GOSR2: variants seen among roughly 807,000 people sequenced by gnomAD.
The protein encoded by GOSR2 is golgi SNAP receptor complex member 2, also known as 27 kDa Golgi SNARE protein.
In GOSR2, 20 loss-of-function variants were observed where a neutral mutation model predicts 27.9. The observed-to-expected ratio is 0.72, with a 90% CI of 0.50 to 1.04. The LOEUF (loss-of-function observed/expected upper bound fraction) is 1.04. GOSR2 is among the 50% of genes least tolerant of loss of function. The pLI is 0.00. For missense variants in GOSR2, 261 were observed against 270.5 expected, an observed-to-expected ratio of 0.97 and a Z score of 0.25; for synonymous variants, 91 against 98.8, an observed-to-expected ratio of 0.92 and a Z score of 0.47.
rs913852678 is a variant in GOSR2, at chr17:46,941,638, A to G, written c.*2878A>G. On this transcript the variant is annotated 3_prime_UTR_variant, in exon 6 of 6. Coordinates refer to ENST00000640051, the MANE Select transcript of GOSR2 (RefSeq NM_004287.5). ...ACCCAGGCTGGAGTGCAGTGGCGCA[A>G]TCTTGGCTCACTGCATCCTCTGCCT... The G allele has an allele frequency of 3.5e-5, 6 of 170,376 alleles. No individual in the cohort carries two copies. The highest frequency in any genetic ancestry group is 1.2e-4 in the African/African-American group (5 of 41,736). 10.6% of individuals were successfully genotyped at this position (170,376 alleles called of 1,614,324 possible).
chr17:46,958,983 G>T (rs1468574457), intron 6 of GOSR2, among the ~76,000 whole-genome samples: 1 of 152,210 alleles, frequency 6.6e-6, no homozygotes, highest in African/African-American at 2.4e-5. Flanking sequence ...CACTGCCAAT[G>T]CAAAAATAAG....
At chr17:46,931,958 T>A (rs1289241032) in intron 3 of GOSR2, 109 bp from the exon 4 acceptor site, 2 of 898,770 alleles carry the variant, frequency 2.2e-6, no homozygotes, top group Non-Finnish European at 3.7e-6. Flanking sequence ...TGTGGGGTGG[T>A]GTAGGGAGAA....
chr17:46,950,763 G>T (rs80248263), intron 6 of GOSR2, among the ~76,000 whole-genome samples: 5,736 of 152,276 alleles, frequency 0.038, 209 homozygotes, highest in African/African-American at 0.097. Flanking sequence ...GTAGTTCAGT[G>T]GGCTGAGACA....
chr17:46,941,923 G>A lies in GOSR2; in HGVS notation c.*3163G>A. 2 of 985,228 alleles carry A rather than the reference G, an allele frequency of 2.0e-6. No homozygotes were observed. Among genetic ancestry groups the A allele is most frequent in the Non-Finnish European group, 2.4e-6 (2 of 829,834 alleles). 61.0% of individuals were successfully genotyped at this position (985,228 alleles called of 1,614,324 possible). A position where few individuals can be genotyped will look rare whatever the true frequency, so the allele number is the denominator to read the frequency against. ...CTGATGTGTGTATTTTGGAACCACT[G>A]TCTCCTAGACAGAAAGCTTCTGTCT... On this transcript the variant is annotated 3_prime_UTR_variant, in exon 6 of 6. Coordinates refer to ENST00000640051, the MANE Select transcript of GOSR2 (RefSeq NM_004287.5).
chr17:46,953,794 G>T (rs1008658125), intron 6 of GOSR2, among the ~76,000 whole-genome samples: 5 of 152,208 alleles, frequency 3.3e-5, no homozygotes, highest in African/African-American at 1.2e-4. Flanking sequence ...GGCCAGTGAT[G>T]ATGAGCATTT....
In GOSR2 at chr17:46,929,552, G is replaced by A. The variant is rs981608270; in HGVS notation, c.62G>A (p.Arg21His). Residue 21 changes from arginine to histidine, a missense_variant, in exon 2 of 6, where the codon CGC becomes CAC. Arg to His is a conservative substitution (Grantham distance 29). Transcript: ENST00000640051. ...QVHEIQSCMG[R>H]LETADKQSVH... ...CACGAGATCCAGTCTTGCATGGGAC[G>A]CCTGGAGACGGCAGACAAGCAGTCT... 2.5e-6 allele frequency: 4 copies of A among 1,568,994 alleles called. No individual in the cohort carries two copies. The highest frequency in any genetic ancestry group is 2.2e-5 in the East Asian group (1 of 44,684).
intron 6 of GOSR2, among the ~76,000 whole-genome samples, chr17:46,959,125 C>T (rs2147285049): frequency 6.6e-6 from 1 of 152,214 alleles, no homozygotes; most frequent in Admixed American, 6.5e-5. Context: ...TAGAATGTGG[C>T]TAGGCAGCGA....
chr17:46,945,483 T>C (rs547784270), downstream of GOSR2, among the ~76,000 whole-genome samples: 23 of 152,186 alleles, frequency 1.5e-4, no homozygotes, highest in Non-Finnish European at 3.2e-4. Context: ...CTGACTTTGC[T>C]GTTTATTAGC....
At chr17:46,952,115 A>C (rs909739928) in intron 6 of GOSR2, among the ~76,000 whole-genome samples, 3 of 152,120 alleles carry the variant, frequency 2.0e-5, no homozygotes, top group African/African-American at 7.2e-5. Context: ...TATTCCAGAA[A>C]ATTCTTATAG....
rs34093958 is a variant in GOSR2 at position 46,931,174 on chromosome 17, AG to A, written c.172del (p.Glu58SerfsTer16). On this transcript the variant is annotated frameshift_variant, in exon 3 of 6. Coordinates refer to ENST00000640051, the MANE Select transcript of GOSR2 (RefSeq NM_004287.5). LOFTEE classifies it high-confidence loss of function. ...RLERLEILSS[K>X]EPPNKRQNAR... ...GAACGTCTGGAGATTTTGTCCAGCA[AG>A]GAGCCCCCTAACAAAAGGCAAAATG... 1 of 1,604,594 alleles carries A rather than the reference AG, an allele frequency of 6.2e-7. No individual in the cohort carries two copies. The highest frequency in any genetic ancestry group is 1.7e-5 in the Admixed American group (1 of 60,012).
rs2088955921 is a variant in GOSR2 at position 46,939,493 on chromosome 17, G to T, written c.*733G>T. On this transcript the variant is annotated 3_prime_UTR_variant, in exon 6 of 6. Transcript: ENST00000640051. ...TTTCTAGTTGTTAATAGAGTGGTTG[G>T]CTTTTAAGGTTCAGAGACTGTGGCT... The T allele has an allele frequency of 1.0e-6, 1 of 986,350 alleles. No individual in the cohort carries two copies. The highest frequency in any genetic ancestry group is 1.2e-6 in the Non-Finnish European group (1 of 830,604). The allele number at this position is 986,350 out of a possible 1,614,324, so 61.1% of individuals were successfully genotyped here.
chr17:46,931,363 T>G (rs2087351687), intron 3 of GOSR2, 156 bp downstream of exon 3: 1 of 663,880 alleles, frequency 1.5e-6, no homozygotes, highest in Non-Finnish European at 2.7e-6. Flanking sequence ...CACAATTCTA[T>G]CTGAGTGATG....
intron 4 of GOSR2, chr17:46,932,812 C>T (rs952083834): frequency 6.3e-6 from 1 of 158,916 alleles, no homozygotes; most frequent in African/African-American, 2.4e-5. Context: ...GGCTGTAGAA[C>T]ATACTGGCCT....
intron 1 of GOSR2, among the ~76,000 whole-genome samples, chr17:46,928,608 A>G (rs1431644885): frequency 6.6e-6 from 1 of 152,120 alleles, no homozygotes. Context: ...ACAGTGTTGC[A>G]TTTCCAAATG....
intron 6 of GOSR2, among the ~76,000 whole-genome samples, chr17:46,972,401 G>A (rs755844675): frequency 1.3e-5 from 2 of 152,238 alleles, no homozygotes; most frequent in Non-Finnish European, 2.9e-5. Context: ...TCTTGGCCAA[G>A]AGGGAAGGAG....
Position 46,940,299 on chromosome 17 carries a change from G to C in GOSR2, c.*1539G>C. 1 of 1,441,008 alleles carries C rather than the reference G, an allele frequency of 6.9e-7. No individual in the cohort carries two copies. The allele number at this position is 1,441,008 out of a possible 1,614,324, so 89.3% of individuals were successfully genotyped here. On this transcript the variant is annotated 3_prime_UTR_variant, in exon 6 of 6. Transcript: ENST00000640051. ...GTTCCTACCCCTCCGGGCCAAATGG[G>C]CCCCAGGTTTCCAAGGAAGGAGCAA...
chr17:46,923,189 C>G lies in GOSR2; in HGVS notation c.-4C>G, dbSNP rs1209519642. ...CCGGAGCCGTGGCCTGCGGGGCCGG[C>G]GACATGGATCCCCTGTTCCAGCAAA... is the stretch of plus-strand genomic sequence containing the variant. On this transcript the variant is annotated 5_prime_UTR_variant, in exon 1 of 6. Coordinates refer to ENST00000640051, the MANE Select transcript of GOSR2 (RefSeq NM_004287.5). 4 of 1,542,144 alleles carry G rather than the reference C, an allele frequency of 2.6e-6. No homozygotes were observed. Among genetic ancestry groups the G allele is most frequent in the Non-Finnish European group, 3.5e-6 (4 of 1,138,714 alleles).
Position 46,929,521 on chromosome 17 carries a change from C to T in GOSR2, c.31C>T (p.Gln11Ter). Residue 11 changes from glutamine (Q) to a stop codon, truncating the protein, a stop_gained and splice_region_variant, in exon 2 of 6, where the codon CAG becomes TAG. Transcript: ENST00000640051. LOFTEE classifies it high-confidence loss of function. ...ATTTCCTCCCTCTTCCTTTGATAGG[C>T]AGGTCCACGAGATCCAGTCTTGCAT... MDPLFQQTHK[Q>*]VHEIQSCMGR... 2 of 1,518,054 alleles carry T rather than the reference C, an allele frequency of 1.3e-6. No homozygotes were observed. The highest frequency in any genetic ancestry group is 1.8e-6 in the Non-Finnish European group (2 of 1,092,536). The allele number at this position is 1,518,054 out of a possible 1,614,324, so 94.0% of individuals were successfully genotyped here.
chr17:46,966,506 C>G (rs2091328324), intron 6 of GOSR2: 5 of 685,566 alleles, frequency 7.3e-6, no homozygotes, highest in Non-Finnish European at 1.1e-5. Context: ...CCCCACCACA[C>G]CCGATTAATT....
Sources: gnomAD v4.1 joint callset for allele counts (sites outside exome capture counted in the v4.1 genomes callset) on GRCh38, gnomAD v4.1.1 for gene constraint, MANE v1.5 for transcripts, NCBI Gene and HGNC (gene_info 2026-07-23, HGNC 2026-07-21) for gene names.